The following DERL3 variants were observed in gnomAD, a reference collection of about 807,000 sequenced individuals.
DERL3 encodes derlin-3.
In DERL3, 20 loss-of-function variants were observed where a neutral mutation model predicts 23.8. That is an observed-to-expected ratio of 0.84 (90% CI 0.59 to 1.22). The LOEUF is 1.22. Ranked by LOEUF, DERL3 falls within the 50% of genes most tolerant of loss-of-function variation. DERL3 has a pLI of 0.00. For synonymous variants in DERL3, 145 were observed against 132.5 expected (o/e 1.09, Z -0.65); for missense variants, 319 against 304.1 (o/e 1.05, Z -0.36).
chr22:23,837,436 G>T, intron 5 of DERL3: 1 of 647,044 alleles, frequency 1.5e-6, no homozygotes. Context: ...CTCCCATCAG[G>T]ACCGTGCAAG....
chr22:23,836,749 T>G lies in DERL3; in HGVS notation c.*120A>C. The G allele has an allele frequency of 7.3e-7, 1 of 1,375,792 alleles. No individual in the cohort carries two copies. The allele number at this position is 1,375,792 out of a possible 1,614,324, so 85.2% of individuals were successfully genotyped here. On this transcript the variant is annotated 3_prime_UTR_variant, in exon 7 of 7. Transcript: ENST00000318109. ...GCCAAGAGACTGCAGCTCATTCTGT[T>G]TATTCAGGTGGGCCCTTGCATGGGC...
In DERL3 at chr22:23,834,844, G is replaced by A; in HGVS notation, c.*2025C>T. 1.9e-6 allele frequency: 3 copies of A among 1,612,212 alleles called. No homozygotes were observed. Among genetic ancestry groups the A allele is most frequent in the Non-Finnish European group, 2.5e-6 (3 of 1,179,592 alleles). On this transcript the variant is annotated 3_prime_UTR_variant, in exon 7 of 7. Transcript: ENST00000318109. ...GCTTGGCCTCAGGAAGGTGCCGCGA[G>A]CTCTCCTGCCGTCCCTGGGCCGCCC...
Position 23,834,868 on chromosome 22 carries a change from C to T in DERL3, c.*2001G>A, listed in dbSNP as rs757234212. The T allele has an allele frequency of 3.1e-6, 5 of 1,612,542 alleles. No homozygotes were observed. In the South Asian group the frequency reaches 3.3e-5, roughly 11 times the overall value. ...AGCTCTCCTGCCGTCCCTGGGCCGC[C>T]CTGGCTCTGCTGTGTCCAGATGGTC... On this transcript the variant is annotated 3_prime_UTR_variant, in exon 7 of 7. Coordinates refer to ENST00000318109, the MANE Select transcript of DERL3 (RefSeq NM_001002862.3).
At position 23,836,575 on chromosome 22, in the gene DERL3, G is replaced by T. The variant is rs933056828; in HGVS notation, c.*294C>A. 14 of 1,131,598 alleles carry T rather than the reference G, an allele frequency of 1.2e-5. No individual in the cohort carries two copies. Among genetic ancestry groups the T allele is most frequent in the African/African-American group, 1.6e-5 (1 of 61,580 alleles). 70.1% of individuals were successfully genotyped at this position (1,131,598 alleles called of 1,614,324 possible). On this transcript the variant is annotated 3_prime_UTR_variant, in exon 7 of 7. Transcript: ENST00000318109. Reference sequence around the variant, plus strand: ...CTGCCTGGCAACCTGTGAGCTCAAAGCTCTGCCAGGCAACCATGGGCAGTT... The same window carrying T: ...CTGCCTGGCAACCTGTGAGCTCAAATCTCTGCCAGGCAACCATGGGCAGTT...
chr22:23,834,934 T>G lies in DERL3; in HGVS notation c.*1935A>C. 1.9e-6 allele frequency: 3 copies of G among 1,606,622 alleles called. No homozygotes were observed. The highest frequency in any genetic ancestry group is 2.5e-6 in the Non-Finnish European group (3 of 1,178,070). On this transcript the variant is annotated 3_prime_UTR_variant, in exon 7 of 7. Coordinates refer to ENST00000318109, the MANE Select transcript of DERL3 (RefSeq NM_001002862.3). ...GGGGCCTTGCTGCTCTGAAGTCCCC[T>G]GCGGAGGGCCCAGTCCTGTGTGGGC... is the stretch of plus-strand genomic sequence containing the variant.
chr22:23,836,626 T>G lies in DERL3; in HGVS notation c.*243A>C. Reference sequence around the variant, plus strand: ...TCTTTGCCCTCTGTGGGCACCCCTATCCTACCACCTGCAGTTGGGCTGAGA... The same window carrying G: ...TCTTTGCCCTCTGTGGGCACCCCTAGCCTACCACCTGCAGTTGGGCTGAGA... On this transcript the variant is annotated 3_prime_UTR_variant, in exon 7 of 7. Coordinates refer to ENST00000318109, the MANE Select transcript of DERL3 (RefSeq NM_001002862.3). The G allele has an allele frequency of 8.1e-7, 1 of 1,232,896 alleles. No individual in the cohort carries two copies. The highest frequency in any genetic ancestry group is 1.0e-6 in the Non-Finnish European group (1 of 990,672). The allele number at this position is 1,232,896 out of a possible 1,614,324, so 76.4% of individuals were successfully genotyped here. A position where few individuals can be genotyped will look rare whatever the true frequency, so the allele number is the denominator to read the frequency against.
At chr22:23,837,306 G>T in intron 5 of DERL3, 152 bp from the exon 6 acceptor site, 1 of 1,052,470 alleles carries the variant, frequency 9.5e-7, no homozygotes, top group Non-Finnish European at 1.4e-6. Flanking sequence ...CCAGCCCCGG[G>T]TTGGCCGTGA....
At chr22:23,836,992 G>GCCAGC (rs1241356695) in intron 6 of DERL3, 30 bp from the exon 7 acceptor site, 3 of 1,607,282 alleles carry the variant, frequency 1.9e-6, no homozygotes, top group Non-Finnish European at 2.5e-6. Context: ...TTGAGCACAG[G>GCCAGC]CCAGCACAGG....
Position 23,836,212 on chromosome 22 carries a change from AG to A in DERL3, c.*656del. The A allele has an allele frequency of 1.0e-6, 1 of 985,488 alleles. No homozygotes were observed. The highest frequency in any genetic ancestry group is 1.2e-6 in the Non-Finnish European group (1 of 829,940). 61.0% of individuals were successfully genotyped at this position (985,488 alleles called of 1,614,324 possible). On this transcript the variant is annotated 3_prime_UTR_variant, in exon 7 of 7. Transcript: ENST00000318109. Reference sequence around the variant, plus strand: ...AAACTTAGGCTCTGAGGTCATAGAAAGGGCAGAAGACCTAGTCCTGGCCCTC... The same window carrying A: ...AAACTTAGGCTCTGAGGTCATAGAAAGGCAGAAGACCTAGTCCTGGCCCTC...
Position 23,835,806 on chromosome 22 carries a change from C to G in DERL3, c.*1063G>C. ...GGGGGATGGAAGGAACCTTGGCTGC[C>G]TCACCCCACAGGTCGGGCAGGGCCA... On this transcript the variant is annotated 3_prime_UTR_variant, in exon 7 of 7. Coordinates refer to ENST00000318109, the MANE Select transcript of DERL3 (RefSeq NM_001002862.3). The G allele has an allele frequency of 1.0e-6, 1 of 985,502 alleles. No homozygotes were observed. Among genetic ancestry groups the G allele is most frequent in the Non-Finnish European group, 1.2e-6 (1 of 829,964 alleles). 61.0% of individuals were successfully genotyped at this position (985,502 alleles called of 1,614,324 possible). A position where few individuals can be genotyped will look rare whatever the true frequency, so the allele number is the denominator to read the frequency against.
Position 23,835,306 on chromosome 22 carries a change from T to C in DERL3, c.*1563A>G. On this transcript the variant is annotated 3_prime_UTR_variant, in exon 7 of 7. Coordinates refer to ENST00000318109, the MANE Select transcript of DERL3 (RefSeq NM_001002862.3). The stretch of plus-strand genomic sequence containing the variant: ...AGCAAACTGGCTCGCAGCTCCAGCC[T>C]TACTGAAGAGAATGGGCACAGATCC... 9.7e-7 allele frequency: 1 copy of C among 1,035,192 alleles called. No homozygotes were observed. 64.1% of individuals were successfully genotyped at this position (1,035,192 alleles called of 1,614,324 possible). A position where few individuals can be genotyped will look rare whatever the true frequency, so the allele number is the denominator to read the frequency against.
Position 23,836,842 on chromosome 22 carries a change from C to A in DERL3, c.*27G>T, listed in dbSNP as rs113084135. 1.5e-5 allele frequency: 22 copies of A among 1,438,368 alleles called. No homozygotes were observed. In the African/African-American group the frequency reaches 1.9e-4, roughly 12 times the overall value. 89.1% of individuals were successfully genotyped at this position (1,438,368 alleles called of 1,614,324 possible). A position where few individuals can be genotyped will look rare whatever the true frequency, so the allele number is the denominator to read the frequency against. On this transcript the variant is annotated 3_prime_UTR_variant, in exon 7 of 7. Transcript: ENST00000318109. ...TGGGTAGGATGGAAGCTGCCAGAAGCCTCTTAGGCCTGGCCCTGGGTGGGG... is the reference window on the plus strand; with the variant it reads ...TGGGTAGGATGGAAGCTGCCAGAAGACTCTTAGGCCTGGCCCTGGGTGGGG...
At position 23,835,699 on chromosome 22, in the gene DERL3, T is replaced by C; in HGVS notation, c.*1170A>G. On this transcript the variant is annotated 3_prime_UTR_variant, in exon 7 of 7. Transcript: ENST00000318109. ...AGCTGCTCTTAGACATGAACAGGTT[T>C]CATTGCTGAGGTGTTTGTTCTGTCC... is the stretch of plus-strand genomic sequence containing the variant. The C allele has an allele frequency of 4.1e-6, 4 of 985,506 alleles. No individual in the cohort carries two copies. The highest frequency in any genetic ancestry group is 4.8e-6 in the Non-Finnish European group (4 of 829,964). 61.0% of individuals were successfully genotyped at this position (985,506 alleles called of 1,614,324 possible). A position where few individuals can be genotyped will look rare whatever the true frequency, so the allele number is the denominator to read the frequency against.
chr22:23,835,473 T>G lies in DERL3; in HGVS notation c.*1396A>C, dbSNP rs752250534. The G allele has an allele frequency of 5.1e-6, 5 of 985,776 alleles. No individual in the cohort carries two copies. The highest frequency in any genetic ancestry group is 6.0e-6 in the Non-Finnish European group (5 of 830,216). The allele number at this position is 985,776 out of a possible 1,614,324, so 61.1% of individuals were successfully genotyped here. A position where few individuals can be genotyped will look rare whatever the true frequency, so the allele number is the denominator to read the frequency against. On this transcript the variant is annotated 3_prime_UTR_variant, in exon 7 of 7. Coordinates refer to ENST00000318109, the MANE Select transcript of DERL3 (RefSeq NM_001002862.3). Reference sequence around the variant, plus strand: ...TGTGGGGCAGAGGCAGAGCTCTGATTAGGGATTGGGGTTCTTGGTCGCTGA... The same window carrying G: ...TGTGGGGCAGAGGCAGAGCTCTGATGAGGGATTGGGGTTCTTGGTCGCTGA...
chr22:23,837,908 C>A, intron 4 of DERL3, 54 bp from the exon 5 acceptor site: 1 of 1,538,464 alleles, frequency 6.5e-7, no homozygotes, highest in East Asian at 2.3e-5. Flanking sequence ...CCCAGGGCCC[C>A]TCTGACTTCC....
Position 23,838,577 on chromosome 22 carries a change from T to A in DERL3, c.220A>T (p.Asn74Tyr). Residue 74 changes from asparagine (N) to tyrosine (Y), a missense_variant, in exon 3 of 7, where the codon AAC becomes TAC. Transcript: ENST00000318109. The part of the protein sequence containing the change: ...FGPLGFSFFF[N>Y]MLFVFRYCRM... ...GGCGCAGGATACACGAAGAGCATGTTGAAGAAGAAGCTGAATCCCAGGGGC... is the reference window on the plus strand; with the variant it reads ...GGCGCAGGATACACGAAGAGCATGTAGAAGAAGAAGCTGAATCCCAGGGGC... The A allele has an allele frequency of 6.3e-7, 1 of 1,583,900 alleles. No homozygotes were observed. The highest frequency in any genetic ancestry group is 8.6e-7 in the Non-Finnish European group (1 of 1,167,864).
At chr22:23,838,036 AC>A in intron 4 of DERL3, 182 bp from the exon 5 acceptor site, 2 of 1,364,860 alleles carry the variant, frequency 1.5e-6, no homozygotes, top group Admixed American at 5.1e-5. Flanking sequence ...TCTGCCCTGC[AC>A]ACCTACAGCC....
chr22:23,837,499 G>A, intron 5 of DERL3, 160 bp downstream of exon 5: 1 of 767,264 alleles, frequency 1.3e-6, no homozygotes, highest in Non-Finnish European at 2.1e-6. Context: ...CTGGCTTGAG[G>A]GGCTGTAAGA....
In DERL3 at chr22:23,836,159, AC is replaced by A; in HGVS notation, c.*709del. The stretch of plus-strand genomic sequence containing the variant: ...AGAACCTTCCAGAAGTCCCTGCCTC[AC>A]CCAGTCTCAGAACTCTGCTAAGGTG... On this transcript the variant is annotated 3_prime_UTR_variant, in exon 7 of 7. Coordinates refer to ENST00000318109, the MANE Select transcript of DERL3 (RefSeq NM_001002862.3). 1 of 985,480 alleles carries A rather than the reference AC, an allele frequency of 1.0e-6. No individual in the cohort carries two copies. The allele number at this position is 985,480 out of a possible 1,614,324, so 61.0% of individuals were successfully genotyped here. A position where few individuals can be genotyped will look rare whatever the true frequency, so the allele number is the denominator to read the frequency against.
Sources: gnomAD v4.1 joint callset for allele counts on GRCh38, gnomAD v4.1.1 for gene constraint, MANE v1.5 for transcripts, NCBI Gene and HGNC (gene_info 2026-07-23, HGNC 2026-07-21) for gene names.